Variants in GRID2 observed in about 807,000 individuals in gnomAD.
GRID2 encodes the protein glutamate ionotropic receptor delta type subunit 2.
A neutral mutation model predicts 114.8 loss-of-function variants in GRID2; 33 were observed. The observed-to-expected ratio is 0.29, with a 90% CI of 0.22 to 0.38. GRID2 has a LOEUF of 0.38. Among genes scored for constraint, GRID2 ranks in the 10% least tolerant of loss-of-function variants. The pLI is 1.00. For missense variants in GRID2, 1,184 were observed against 1,257.7 expected (o/e 0.94, Z 0.89); for synonymous variants, 505 against 449.9 (o/e 1.12, Z -1.55).
intron 2 of GRID2, among the ~76,000 whole-genome samples, chr4:92,673,864 T>G (rs1420960049): frequency 6.6e-6 from 1 of 152,134 alleles, no homozygotes. Context: ...TTAGGAGATA[T>G]ACCTAATGTG....
chr4:93,599,003 A>C (rs1739404115), intron 13 of GRID2, among the ~76,000 whole-genome samples: 1 of 152,206 alleles, frequency 6.6e-6, no homozygotes, highest in Admixed American at 6.5e-5. Context: ...GTTTTTCAGT[A>C]ATTACATATA....
chr4:93,388,770 G>A (rs919134237), intron 8 of GRID2, among the ~76,000 whole-genome samples: 5 of 152,172 alleles, frequency 3.3e-5, no homozygotes, highest in East Asian at 3.9e-4. Flanking sequence ...AGGAAGGAAC[G>A]AGTTAAATAG....
rs74320179 is a variant in GRID2, at chr4:93,543,772, C to T, written c.2193+28361C>T. Among the ~76,000 whole-genome samples the T allele has an allele frequency of 9.7e-3, 1,462 of 151,064 alleles. 70 individuals are homozygous for T. Among genetic ancestry groups the T allele is most frequent in the East Asian group, 0.073 (370 of 5,070 alleles). On this transcript the variant is annotated intron_variant, in intron 13 of 15. Coordinates refer to ENST00000282020, the MANE Select transcript of GRID2 (RefSeq NM_001510.4). ...AAGCAGCACTCACTGGATCACAGGG[C>T]ACCCAGAAACTTATGGCAGCACAGC...
At chr4:93,498,980 G>A (rs776377289) in intron 12 of GRID2, among the ~76,000 whole-genome samples, 6 of 151,632 alleles carry the variant, frequency 4.0e-5, no homozygotes, top group African/African-American at 7.3e-5. Context: ...TGTGTTTTTC[G>A]TCATGAATAG....
chr4:93,329,715 G>A (rs1343045827), intron 8 of GRID2, among the ~76,000 whole-genome samples: 3 of 152,082 alleles, frequency 2.0e-5, no homozygotes, highest in Non-Finnish European at 2.9e-5. Flanking sequence ...CACATTAAGT[G>A]CAACTGTTAA....
intron 2 of GRID2, among the ~76,000 whole-genome samples, chr4:92,697,494 C>T (rs1295873433): frequency 1.3e-5 from 2 of 152,066 alleles, no homozygotes; most frequent in African/African-American, 4.8e-5. Context: ...GAATTTTACC[C>T]TTTAGGGGCC....
chr4:93,514,460 C>CACACACACACACACAA (rs1037610536), intron 12 of GRID2, among the ~76,000 whole-genome samples: 2 of 149,804 alleles, frequency 1.3e-5, no homozygotes, highest in African/African-American at 4.9e-5. Flanking sequence ...CACACACACA[C>CACACACACACACACAA]AATGCTAAAG....
chr4:93,230,909 T>C (rs955143003), intron 7 of GRID2, among the ~76,000 whole-genome samples: 2 of 152,166 alleles, frequency 1.3e-5, no homozygotes, highest in Non-Finnish European at 2.9e-5. Flanking sequence ...GAAAACTATA[T>C]TTATATATTG....
chr4:92,411,153 A>C (rs999046685), intron 1 of GRID2, among the ~76,000 whole-genome samples: 3 of 152,138 alleles, frequency 2.0e-5, no homozygotes, highest in Non-Finnish European at 4.4e-5. Flanking sequence ...TGGCCTGGCT[A>C]TTTCTTTAGA....
intron 14 of GRID2, among the ~76,000 whole-genome samples, chr4:93,648,685 A>T (rs1722325849): frequency 6.6e-6 from 1 of 152,202 alleles, no homozygotes; most frequent in Admixed American, 6.5e-5. Context: ...CTGGTTTCGC[A>T]GGCATGTATA....
At chr4:93,771,687 G>A (rs1428476276) in intron 15 of GRID2, among the ~76,000 whole-genome samples, 1 of 152,098 alleles carries the variant, frequency 6.6e-6, no homozygotes, top group Non-Finnish European at 1.5e-5. Flanking sequence ...GAGACGCCCT[G>A]AAAAGGGAGG....
intron 12 of GRID2, among the ~76,000 whole-genome samples, chr4:93,513,702 G>C (rs761874508): frequency 2.6e-5 from 4 of 152,110 alleles, no homozygotes; most frequent in African/African-American, 9.7e-5. Context: ...AGTTTCCATG[G>C]AGTAAATAAT....
At chr4:93,648,009 A>C (rs1722261447) in intron 14 of GRID2, among the ~76,000 whole-genome samples, 1 of 152,172 alleles carries the variant, frequency 6.6e-6, no homozygotes, top group Non-Finnish European at 1.5e-5. Context: ...TAGCTACTCA[A>C]GTTATAGTTA....
chr4:93,280,424 A>T (rs1003521846), intron 8 of GRID2, among the ~76,000 whole-genome samples: 4 of 152,070 alleles, frequency 2.6e-5, no homozygotes, highest in African/African-American at 9.7e-5. Flanking sequence ...CTGTTGAATT[A>T]TGAAACTGAT....
chr4:92,782,690 A>G (rs1245511011), intron 2 of GRID2, among the ~76,000 whole-genome samples: 1 of 152,164 alleles, frequency 6.6e-6, no homozygotes, highest in Non-Finnish European at 1.5e-5. Flanking sequence ...ATGAAAAGAC[A>G]TGATTGCAAA....
chr4:93,509,777 T>C (rs184399305), intron 12 of GRID2, among the ~76,000 whole-genome samples: 2 of 152,316 alleles, frequency 1.3e-5, no homozygotes, highest in African/African-American at 2.4e-5. Context: ...TTTGACTTGC[T>C]TCTTGGGTCT....
At chr4:92,938,232 T>G (rs574719108) in intron 2 of GRID2, among the ~76,000 whole-genome samples, 30 of 146,774 alleles carry the variant, frequency 2.0e-4, no homozygotes, top group African/African-American at 6.8e-4. Context: ...AATATGCTGC[T>G]GGATTTGGTC....
At chr4:92,959,092 G>A in intron 2 of GRID2, among the ~76,000 whole-genome samples, 1 of 137,530 alleles carries the variant, frequency 7.3e-6, no homozygotes, top group Non-Finnish European at 1.6e-5. Flanking sequence ...CCTGGCTAAA[G>A]GCATACAGAT....
At chr4:92,634,184 A>C (rs577230522) in intron 2 of GRID2, among the ~76,000 whole-genome samples, 2 of 152,218 alleles carry the variant, frequency 1.3e-5, no homozygotes, top group East Asian at 1.9e-4. Context: ...GTTGGGCCAC[A>C]TTCAAAGCCG....
Sources: allele counts gnomAD v4.1 joint callset (sites outside exome capture counted in the v4.1 genomes callset), GRCh38; gene constraint gnomAD v4.1.1; transcripts MANE v1.5; gene names NCBI Gene and HGNC (gene_info 2026-07-23, HGNC 2026-07-21).